REEP1: variants seen among roughly 807,000 people sequenced by gnomAD.
The protein encoded by REEP1 is receptor expression-enhancing protein 1.
In REEP1, 22 loss-of-function variants were observed where a neutral mutation model predicts 40.3. The observed-to-expected ratio is 0.55, with a 90% CI of 0.39 to 0.78. The LOEUF (loss-of-function observed/expected upper bound fraction) is 0.78, where lower values mean the gene tolerates loss of function less well. Ranked by LOEUF, REEP1 falls within the 30% of genes least tolerant of loss-of-function variation. The pLI is 0.00. For missense variants in REEP1, 280 were observed against 361.1 expected, an observed-to-expected ratio of 0.78 and a Z score of 1.82; for synonymous variants, 116 against 139.2, an observed-to-expected ratio of 0.83 and a Z score of 1.17.
chr2:86,287,923 A>G (rs1331008936), intron 1 of REEP1, among the ~76,000 whole-genome samples: 1 of 152,244 alleles, frequency 6.6e-6, no homozygotes, highest in African/African-American at 2.4e-5. Flanking sequence ...CACTAGATGT[A>G]TTCCACTGTG....
chr2:86,235,380 G>A (rs1382493846), intron 5 of REEP1, among the ~76,000 whole-genome samples: 2 of 152,170 alleles, frequency 1.3e-5, no homozygotes, highest in Non-Finnish European at 2.9e-5. Flanking sequence ...CCGGCTGCTC[G>A]TGCGGATTCA....
chr2:86,225,550 T>C (rs6754021), intron 7 of REEP1, among the ~76,000 whole-genome samples: 130,818 of 152,276 alleles, frequency 0.86, 56,906 homozygotes, highest in East Asian at 0.98. Context: ...GGATTACAGG[T>C]GTGAGCCACT....
chr2:86,280,270 C>A (rs151014101), intron 2 of REEP1, among the ~76,000 whole-genome samples: 2 of 152,232 alleles, frequency 1.3e-5, no homozygotes, highest in African/African-American at 4.8e-5. Flanking sequence ...AACTCTTGCA[C>A]GTTCCCTACT....
rs1329649325 is a variant in REEP1 at position 86,215,396 on chromosome 2, C to T, written c.*1643G>A. The T allele has an allele frequency of 6.6e-6, 1 of 152,356 alleles. No homozygotes were observed. The highest frequency in any genetic ancestry group is 1.9e-4 in the East Asian group (1 of 5,198). The allele number at this position is 152,356 out of a possible 1,614,324, so 9.4% of individuals were successfully genotyped here. A position where few individuals can be genotyped will look rare whatever the true frequency, so the allele number is the denominator to read the frequency against. On this transcript the variant is annotated 3_prime_UTR_variant, in exon 9 of 9. Transcript: ENST00000538924. ...GGTGGCTAAGATCCAGCTAATGTGT[C>T]ATCAGCAAAGGCCTCTAATATGTGT...
At chr2:86,316,194 CT>C (rs1679999240) in intron 1 of REEP1, among the ~76,000 whole-genome samples, 1 of 152,116 alleles carries the variant, frequency 6.6e-6, no homozygotes, top group African/African-American at 2.4e-5. Context: ...AGTTGTATTA[CT>C]TTTTCTAAAA....
intron 2 of REEP1, among the ~76,000 whole-genome samples, chr2:86,271,987 C>G (rs1677479815): frequency 6.6e-6 from 1 of 152,188 alleles, no homozygotes; most frequent in African/African-American, 2.4e-5. Flanking sequence ...CTTTGGGAGG[C>G]TGGGGCGGGC....
At chr2:86,253,721 G>A (rs1021083418) in intron 4 of REEP1, among the ~76,000 whole-genome samples, 2 of 152,184 alleles carry the variant, frequency 1.3e-5, no homozygotes, top group Admixed American at 6.5e-5. Flanking sequence ...GAGATTTTCC[G>A]AAACTTGTAC....
chr2:86,304,260 C>T (rs1679387190), intron 1 of REEP1, among the ~76,000 whole-genome samples: 1 of 152,118 alleles, frequency 6.6e-6, no homozygotes, highest in African/African-American at 2.4e-5. Flanking sequence ...CAACCAAGCC[C>T]TCGATTTCAC....
At chr2:86,295,310 C>T (rs2104440834) in intron 1 of REEP1, among the ~76,000 whole-genome samples, 1 of 152,308 alleles carries the variant, frequency 6.6e-6, no homozygotes, top group Non-Finnish European at 1.5e-5. Context: ...ACCTGCCCTG[C>T]AGATGACTTA....
intron 4 of REEP1, among the ~76,000 whole-genome samples, chr2:86,252,297 C>G (rs899270714): frequency 6.6e-6 from 1 of 152,076 alleles, no homozygotes; most frequent in Admixed American, 6.6e-5. Flanking sequence ...TCCAGCGATG[C>G]CCTGAGATTG....
At position 86,237,735 on chromosome 2, in the gene REEP1, C is replaced by G. The variant is rs558524779; in HGVS notation, c.418-4933G>C. ...ACGGGGTTTCACCTTATTGGTCAGG[C>G]TGGTCTCGAACTCCTGACCTCAGGT... On this transcript the variant is annotated intron_variant, in intron 5 of 8. Coordinates refer to ENST00000538924, the MANE Select transcript of REEP1 (RefSeq NM_001371279.1). Among the ~76,000 whole-genome samples the G allele has an allele frequency of 5.4e-3, 819 of 152,146 alleles. 4 individuals carry two copies. The highest frequency in any genetic ancestry group is 0.019 in the African/African-American group (775 of 41,526).
intron 1 of REEP1, among the ~76,000 whole-genome samples, chr2:86,287,335 G>A (rs554907117): frequency 1.3e-5 from 2 of 152,112 alleles, no homozygotes; most frequent in South Asian, 2.1e-4. Context: ...TGATCCACCC[G>A]CCTCAGCTTC....
At chr2:86,259,409 CAG>C (rs1263238035) in intron 3 of REEP1, among the ~76,000 whole-genome samples, 7 of 151,242 alleles carry the variant, frequency 4.6e-5, no homozygotes, top group Non-Finnish European at 1.0e-4. Context: ...TTTTTTGAGA[CAG>C]AGTTTCACTC....
At chr2:86,229,339 C>T (rs937630450) in intron 6 of REEP1, among the ~76,000 whole-genome samples, 4 of 152,164 alleles carry the variant, frequency 2.6e-5, no homozygotes, top group Admixed American at 6.5e-5. Context: ...TGCACAGGCC[C>T]GGCATCACCC....
chr2:86,282,332 T>TA, intron 1 of REEP1, 90 bp from the exon 2 acceptor site: 1 of 991,540 alleles, frequency 1.0e-6, no homozygotes, highest in South Asian at 1.3e-5. Context: ...AGCAACTCTC[T>TA]AAGCTACAGA....
intron 1 of REEP1, among the ~76,000 whole-genome samples, chr2:86,295,034 A>G (rs1402306570): frequency 1.3e-5 from 2 of 152,192 alleles, no homozygotes; most frequent in African/African-American, 4.8e-5. Context: ...CACAAAACCT[A>G]TTTTAAAAAA....
intron 5 of REEP1, among the ~76,000 whole-genome samples, chr2:86,238,276 T>C (rs1343295456): frequency 6.6e-6 from 1 of 152,210 alleles, no homozygotes; most frequent in African/African-American, 2.4e-5. Context: ...TAGTGGAACA[T>C]AAGATAATGA....
intron 4 of REEP1, among the ~76,000 whole-genome samples, chr2:86,253,906 T>C (rs1267692254): frequency 3.9e-5 from 6 of 152,264 alleles, no homozygotes; most frequent in Admixed American, 1.3e-4. Context: ...TAACGAATGA[T>C]ACAATGTTGG....
At chr2:86,309,549 G>T (rs768401247) in intron 1 of REEP1, among the ~76,000 whole-genome samples, 1 of 152,230 alleles carries the variant, frequency 6.6e-6, no homozygotes, top group African/African-American at 2.4e-5. Flanking sequence ...CTACAGACGG[G>T]ATGGCTTAAA....
Sources: allele counts gnomAD v4.1 joint callset (sites outside exome capture counted in the v4.1 genomes callset), GRCh38; gene constraint gnomAD v4.1.1; transcripts MANE v1.5; gene names NCBI Gene and HGNC (gene_info 2026-07-23, HGNC 2026-07-21).